The following CSMD3 variants were observed in gnomAD, a reference collection of about 807,000 sequenced individuals.
CSMD3 encodes CUB and sushi domain-containing protein 3.
In CSMD3, 177 loss-of-function variants were observed where a neutral mutation model predicts 435.2. The ratio of observed to expected loss-of-function variants is 0.41; its 90% CI spans 0.36 to 0.46. The LOEUF is 0.46. CSMD3 is among the 20% of genes least tolerant of loss of function. The pLI, the probability that CSMD3 is intolerant of heterozygous loss-of-function variation, is 0.34. For missense variants in CSMD3, 4,265 were observed against 4,504.6 expected (o/e 0.95, Z 1.52); for synonymous variants, 1,656 against 1,520.5 (o/e 1.09, Z -2.07).
chr8:112,381,182 A>C (rs1482435720), intron 37 of CSMD3, among the ~76,000 whole-genome samples: 1 of 152,050 alleles, frequency 6.6e-6, no homozygotes, highest in Non-Finnish European at 1.5e-5. Context: ...ATTCTATACC[A>C]GGTCAAGTGC....
Position 112,393,997 on chromosome 8 carries a change from T to A in CSMD3, c.5810-3209A>T, listed in dbSNP as rs1051225522. Among the ~76,000 whole-genome samples, 7 of 152,080 alleles carry A rather than the reference T, an allele frequency of 4.6e-5. No homozygotes were observed. The East Asian group carries it at 9.7e-4, about 21-fold the overall frequency. On this transcript the variant is annotated intron_variant, in intron 35 of 70. Transcript: ENST00000297405. ...TTCTATATACTCTGACTACCAGATGTTTATCTCTAGCTGTGATTTCTGTGA... is the reference window on the plus strand; with the variant it reads ...TTCTATATACTCTGACTACCAGATGATTATCTCTAGCTGTGATTTCTGTGA...
intron 59 of CSMD3, among the ~76,000 whole-genome samples, chr8:112,271,894 T>G (rs1817560731): frequency 6.6e-6 from 1 of 152,176 alleles, no homozygotes; most frequent in Admixed American, 6.5e-5. Flanking sequence ...AATTCCATAG[T>G]ATTAAAAGGT....
chr8:113,238,074 CA>C (rs34316809), intron 3 of CSMD3, among the ~76,000 whole-genome samples: 18,026 of 77,482 alleles, frequency 0.23, 1,790 homozygotes, highest in African/African-American at 0.43. Context: ...GACTCCATCT[CA>C]AAAAAAAAAA....
At chr8:112,235,303 G>A (rs1487327510) in intron 67 of CSMD3, among the ~76,000 whole-genome samples, 2 of 152,094 alleles carry the variant, frequency 1.3e-5, no homozygotes, top group African/African-American at 2.4e-5. Context: ...AGGATGGCTT[G>A]AGCCCAGGAG....
chr8:113,434,851 T>C lies in CSMD3; in HGVS notation c.178+1826A>G, dbSNP rs547925032. Among the ~76,000 whole-genome samples the C allele has an allele frequency of 3.5e-4, 54 of 152,304 alleles. No individual in the cohort carries two copies. The South Asian group carries it at 0.011, about 32-fold the overall frequency. ...CGGATCAGCGTTAGTCAGGCTGTAA[T>C]GCTCGCCCCGCTTCGGAGACTTCCC... On this transcript the variant is annotated intron_variant, in intron 1 of 70. Transcript: ENST00000297405.
At chr8:113,324,812 G>T (rs1475974513) in intron 1 of CSMD3, among the ~76,000 whole-genome samples, 2 of 152,208 alleles carry the variant, frequency 1.3e-5, no homozygotes, top group African/African-American at 4.8e-5. Flanking sequence ...CATGAAAGCA[G>T]CCAGGAGGTA....
At chr8:113,388,614 T>C (rs2094449117) in intron 1 of CSMD3, among the ~76,000 whole-genome samples, 1 of 151,552 alleles carries the variant, frequency 6.6e-6, no homozygotes, top group Admixed American at 6.6e-5. Flanking sequence ...TATATTGAAC[T>C]GAATATTTGT....
At chr8:112,225,648 G>A (rs1812490582) in intron 70 of CSMD3, among the ~76,000 whole-genome samples, 1 of 152,096 alleles carries the variant, frequency 6.6e-6, no homozygotes, top group East Asian at 1.9e-4. Flanking sequence ...ATTTGGAAAG[G>A]TACTTTGGAG....
chr8:112,559,819 T>C (rs1250968050), intron 24 of CSMD3, among the ~76,000 whole-genome samples: 3 of 151,940 alleles, frequency 2.0e-5, no homozygotes, highest in East Asian at 1.9e-4. Context: ...AATGATGTAA[T>C]AAATACACCA....
At chr8:112,520,405 A>C (rs968618287) in intron 27 of CSMD3, among the ~76,000 whole-genome samples, 1 of 151,998 alleles carries the variant, frequency 6.6e-6, no homozygotes, top group African/African-American at 2.4e-5. Context: ...ATTTGAACTC[A>C]ACCAGCAGGG....
intron 8 of CSMD3, among the ~76,000 whole-genome samples, chr8:112,949,703 A>G (rs1459488628): frequency 6.6e-6 from 1 of 152,058 alleles, no homozygotes; most frequent in Non-Finnish European, 1.5e-5. Context: ...CCAGAGGAGG[A>G]CTAAACTTTC....
intron 59 of CSMD3, among the ~76,000 whole-genome samples, chr8:112,271,876 T>C (rs1446095486): frequency 6.6e-6 from 1 of 152,232 alleles, no homozygotes; most frequent in African/African-American, 2.4e-5. Context: ...TGTGCTAATT[T>C]AATCCCCAAT....
intron 5 of CSMD3, among the ~76,000 whole-genome samples, chr8:113,089,763 G>T (rs2089937921): frequency 6.6e-6 from 1 of 151,960 alleles, no homozygotes; most frequent in Non-Finnish European, 1.5e-5. Flanking sequence ...GGACTTTGCA[G>T]CTCCTCCCAA....
At chr8:112,454,166 T>C (rs1224493212) in intron 32 of CSMD3, among the ~76,000 whole-genome samples, 1 of 152,144 alleles carries the variant, frequency 6.6e-6, no homozygotes, top group East Asian at 1.9e-4. Context: ...ATGTAGGAAA[T>C]ACCATTCTGG....
intron 11 of CSMD3, among the ~76,000 whole-genome samples, chr8:112,849,677 T>G (rs1390049982): frequency 6.6e-6 from 1 of 151,832 alleles, no homozygotes; most frequent in Non-Finnish European, 1.5e-5. Flanking sequence ...TAGACTCCAT[T>G]TATACTAGAT....
At chr8:112,451,731 T>A (rs948571351) in intron 32 of CSMD3, among the ~76,000 whole-genome samples, 4 of 152,088 alleles carry the variant, frequency 2.6e-5, no homozygotes, top group African/African-American at 9.7e-5. Flanking sequence ...AGAGACGGGT[T>A]TTCTCCACAT....
At chr8:112,724,542 C>A (rs1191813442) in intron 13 of CSMD3, among the ~76,000 whole-genome samples, 1 of 151,984 alleles carries the variant, frequency 6.6e-6, no homozygotes, top group Non-Finnish European at 1.5e-5. Context: ...ATGGAGAAGA[C>A]TAGGGAAAGC....
intron 3 of CSMD3, among the ~76,000 whole-genome samples, chr8:113,230,714 A>T (rs2093076012): frequency 6.6e-6 from 1 of 151,494 alleles, no homozygotes; most frequent in Admixed American, 6.6e-5. Context: ...GTTTGTTTCT[A>T]ATTTTGCTCT....
Position 113,374,833 on chromosome 8 carries a change from AAAAAAAAAAAAAAAC to A in CSMD3, c.179-60055_179-60041del, listed in dbSNP as rs1272103652. Among the ~76,000 whole-genome samples the A allele has an allele frequency of 5.8e-5, 7 of 120,874 alleles. 1 individual carries two copies. In the East Asian group the frequency reaches 1.8e-3, roughly 31 times the overall value. 79.3% of individuals were successfully genotyped at this position (120,874 alleles called of 152,430 possible). A position where few individuals can be genotyped will look rare whatever the true frequency, so the allele number is the denominator to read the frequency against. On this transcript the variant is annotated intron_variant, in intron 1 of 70. Coordinates refer to ENST00000297405, the MANE Select transcript of CSMD3 (RefSeq NM_198123.2). The stretch of plus-strand genomic sequence containing the variant: ...TGTTAAAAAGTAAAAAAAAAAAAAA[AAAAAAAAAAAAAAAC>A]CAATAAAATGAACACCATAATACCA...
Sources: allele counts gnomAD v4.1 joint callset (sites outside exome capture counted in the v4.1 genomes callset), GRCh38; gene constraint gnomAD v4.1.1; transcripts MANE v1.5; gene names NCBI Gene and HGNC (gene_info 2026-07-23, HGNC 2026-07-21).